CSMD1: variants seen among roughly 807,000 people sequenced by gnomAD.
The protein encoded by CSMD1 is CUB and sushi domain-containing protein 1.
A neutral mutation model predicts 417.5 loss-of-function variants in CSMD1; 213 were observed. The observed-to-expected ratio is 0.51, with a 90% CI of 0.46 to 0.57. The LOEUF (loss-of-function observed/expected upper bound fraction) is 0.57. Ranked by LOEUF, CSMD1 falls within the 20% of genes least tolerant of loss-of-function variation. The pLI is 0.00. For synonymous variants in CSMD1, 2,862 were observed against 1,736.8 expected (o/e 1.65, Z -16.11); for missense variants, 6,923 against 4,529.7 (o/e 1.53, Z -15.17).
chr8:4,069,827 A>G lies in CSMD1; in HGVS notation c.416-37728T>C, dbSNP rs114273590. On this transcript the variant is annotated intron_variant, in intron 3 of 69. Transcript: ENST00000635120. Reference sequence around the variant, plus strand: ...CTCGACAACTCACTACTGAAAGAATATCGAAATGAAGACTTCTACAAAAGT... The same window carrying G: ...CTCGACAACTCACTACTGAAAGAATGTCGAAATGAAGACTTCTACAAAAGT... Among the ~76,000 whole-genome samples the G allele has an allele frequency of 4.3e-3, 652 of 152,348 alleles. 5 individuals carry two copies. Among genetic ancestry groups the G allele is most frequent in the African/African-American group, 0.015 (625 of 41,592 alleles).
intron 3 of CSMD1, among the ~76,000 whole-genome samples, chr8:4,052,527 C>G (rs766430535): frequency 6.6e-6 from 1 of 152,034 alleles, no homozygotes; most frequent in Admixed American, 6.6e-5. Context: ...ATTTAGTTTG[C>G]TAGAACGTCA....
chr8:3,963,777 C>A (rs1051518875), intron 5 of CSMD1, among the ~76,000 whole-genome samples: 1 of 152,080 alleles, frequency 6.6e-6, no homozygotes. Context: ...ATATGTATAG[C>A]AACCTAAGTC....
At chr8:3,742,738 AG>A (rs1449272971) in intron 6 of CSMD1, among the ~76,000 whole-genome samples, 2 of 151,890 alleles carry the variant, frequency 1.3e-5, no homozygotes, top group Non-Finnish European at 2.9e-5. Flanking sequence ...GAGAGAGAGA[AG>A]AAAAAAAACA....
At chr8:3,351,584 G>A (rs1808424620) in intron 21 of CSMD1, among the ~76,000 whole-genome samples, 2 of 137,042 alleles carry the variant, frequency 1.5e-5, no homozygotes, top group African/African-American at 5.5e-5. Context: ...GCGACACAGT[G>A]TGAGACTCTG....
chr8:3,897,469 A>G (rs1433232376), intron 5 of CSMD1, among the ~76,000 whole-genome samples: 1 of 152,166 alleles, frequency 6.6e-6, no homozygotes, highest in Non-Finnish European at 1.5e-5. Context: ...GCATATATAA[A>G]CTAAATTTTT....
chr8:3,344,563 G>C (rs920232407), intron 22 of CSMD1, among the ~76,000 whole-genome samples: 2 of 152,176 alleles, frequency 1.3e-5, no homozygotes, highest in African/African-American at 4.8e-5. Flanking sequence ...TCACTAGCAG[G>C]GGGCTGTAAA....
intron 2 of CSMD1, among the ~76,000 whole-genome samples, chr8:4,483,922 G>A (rs772030919): frequency 1.3e-5 from 2 of 152,160 alleles, no homozygotes; most frequent in Non-Finnish European, 2.9e-5. Context: ...AAGCATCATG[G>A]CTCACTTTGT....
rs1797722248 is a variant in CSMD1 at position 4,170,731 on chromosome 8, T to C, written c.416-138632A>G. Among the ~76,000 whole-genome samples the C allele has an allele frequency of 3.3e-5, 5 of 151,972 alleles. No homozygotes were observed. In the South Asian group the frequency reaches 6.2e-4, roughly 19 times the overall value. On this transcript the variant is annotated intron_variant, in intron 3 of 69. Transcript: ENST00000635120. ...TAGCTAGCATGTGGATTTTTTTTTT[T>C]CTAAATTAATACTGTTTAGAAAAAG...
intron 2 of CSMD1, among the ~76,000 whole-genome samples, chr8:4,430,046 G>T (rs1237706568): frequency 6.6e-6 from 1 of 152,154 alleles, no homozygotes; most frequent in Non-Finnish European, 1.5e-5. Flanking sequence ...TGAGTTTTCA[G>T]AATCAACCAG....
chr8:4,329,432 G>A (rs1017099890), intron 3 of CSMD1, among the ~76,000 whole-genome samples: 3 of 152,032 alleles, frequency 2.0e-5, no homozygotes, highest in Admixed American at 6.6e-5. Context: ...GGGACTACAG[G>A]CAGGCGTCAG....
intron 7 of CSMD1, among the ~76,000 whole-genome samples, chr8:3,630,391 G>C (rs1231136214): frequency 2.6e-5 from 4 of 152,186 alleles, no homozygotes; most frequent in African/African-American, 9.6e-5. Flanking sequence ...AACGAGACTG[G>C]AGTATTCAAA....
At chr8:4,572,217 G>C (rs958423369) in intron 2 of CSMD1, among the ~76,000 whole-genome samples, 1 of 152,132 alleles carries the variant, frequency 6.6e-6, no homozygotes, top group African/African-American at 2.4e-5. Context: ...AGTGTTGTTG[G>C]TCTTTACATT....
At chr8:3,824,786 G>C (rs1023867516) in intron 5 of CSMD1, among the ~76,000 whole-genome samples, 5 of 152,076 alleles carry the variant, frequency 3.3e-5, no homozygotes, top group African/African-American at 1.2e-4. Context: ...TTGGACAGCA[G>C]AGTTCTAAGG....
intron 5 of CSMD1, among the ~76,000 whole-genome samples, chr8:3,888,137 T>C (rs1490105842): frequency 6.6e-6 from 1 of 152,208 alleles, no homozygotes; most frequent in African/African-American, 2.4e-5. Context: ...CATGGATAAC[T>C]AACATCATTT....
intron 25 of CSMD1, among the ~76,000 whole-genome samples, chr8:3,297,286 A>C (rs1804040890): frequency 6.6e-6 from 1 of 152,196 alleles, no homozygotes; most frequent in South Asian, 2.1e-4. Flanking sequence ...ATATCAATAA[A>C]AATCCAGGCA....
intron 2 of CSMD1, among the ~76,000 whole-genome samples, chr8:4,440,809 AAC>A (rs1798423755): frequency 6.6e-6 from 1 of 152,046 alleles, no homozygotes; most frequent in South Asian, 2.1e-4. Context: ...CAGCCTGGCT[AAC>A]ATGCTCAAAC....
chr8:4,885,824 T>C (rs529440649), intron 1 of CSMD1, among the ~76,000 whole-genome samples: 1 of 152,196 alleles, frequency 6.6e-6, no homozygotes, highest in South Asian at 2.1e-4. Flanking sequence ...AATTTATATA[T>C]GTATTATTTG....
chr8:4,320,455 C>G (rs957853516), intron 3 of CSMD1, among the ~76,000 whole-genome samples: 2 of 152,066 alleles, frequency 1.3e-5, no homozygotes, highest in Non-Finnish European at 2.9e-5. Flanking sequence ...GTTTTCTGCA[C>G]CTATCAACCT....
chr8:4,810,017 C>A lies in CSMD1; in HGVS notation c.86-172459G>T, dbSNP rs2117328177. Among the ~76,000 whole-genome samples, 3 of 152,238 alleles carry A rather than the reference C, an allele frequency of 2.0e-5. 1 individual carries two copies. The highest frequency in any genetic ancestry group is 2.0e-4 in the Admixed American group (3 of 15,294). On this transcript the variant is annotated intron_variant, in intron 1 of 69. Transcript: ENST00000635120. ...ATATCAAGTGAATATATGCCAAGTG[C>A]TTAGAATGAGGGTTAGCTCAATATA...
Sources: gnomAD v4.1 joint callset for allele counts (sites outside exome capture counted in the v4.1 genomes callset) on GRCh38, gnomAD v4.1.1 for gene constraint, MANE v1.5 for transcripts, NCBI Gene and HGNC (gene_info 2026-07-23, HGNC 2026-07-21) for gene names.